The following TTLL11 variants were observed in gnomAD, a reference collection of about 807,000 sequenced individuals.
TTLL11 encodes the protein tubulin polyglutamylase TTLL11.
In TTLL11, 42 loss-of-function variants were observed where a neutral mutation model predicts 51.7. The observed-to-expected ratio is 0.81, with a 90% CI of 0.64 to 1.05. The LOEUF is 1.05. Ranked by LOEUF, TTLL11 falls within the 50% of genes least tolerant of loss-of-function variation. TTLL11 has a pLI of 0.00. For missense variants in TTLL11, 799 were observed against 940.4 expected (o/e 0.85, Z 1.97); for synonymous variants, 381 against 383.5 (o/e 0.99, Z 0.08).
chr9:122,002,716 G>A (rs1034498890), intron 3 of TTLL11, among the ~76,000 whole-genome samples: 3 of 152,046 alleles, frequency 2.0e-5, no homozygotes, highest in Non-Finnish European at 4.4e-5. Flanking sequence ...GGAGGCTGAG[G>A]CAGGCGGATC....
At chr9:121,962,142 A>G (rs1427524772) in intron 6 of TTLL11, among the ~76,000 whole-genome samples, 1 of 152,214 alleles carries the variant, frequency 6.6e-6, no homozygotes, top group Admixed American at 6.5e-5. Context: ...AGATTATACT[A>G]TTTTTATTAA....
chr9:122,014,732 C>T (rs920077559), intron 3 of TTLL11, among the ~76,000 whole-genome samples: 8 of 152,166 alleles, frequency 5.3e-5, no homozygotes, highest in Non-Finnish European at 7.3e-5. Flanking sequence ...AACCTATAGG[C>T]CATGGGACTG....
intron 1 of TTLL11, among the ~76,000 whole-genome samples, chr9:122,065,095 AT>A (rs1845543443): frequency 6.6e-6 from 1 of 152,208 alleles, no homozygotes; most frequent in African/African-American, 2.4e-5. Context: ...GTTAAAAAAA[AT>A]AAATAGTCCC....
chr9:121,824,699 G>T (rs1836696692), intron 8 of TTLL11, among the ~76,000 whole-genome samples: 1 of 152,088 alleles, frequency 6.6e-6, no homozygotes, highest in Non-Finnish European at 1.5e-5. Flanking sequence ...TAAACCTATA[G>T]GAGTCCCTGG....
intron 6 of TTLL11, chr9:121,884,640 T>G (rs1245058909): frequency 6.6e-6 from 1 of 151,884 alleles, no homozygotes; most frequent in Non-Finnish European, 1.5e-5. Context: ...AATGGAGAAA[T>G]TCCAGTTTTT....
intron 6 of TTLL11, among the ~76,000 whole-genome samples, chr9:121,968,136 G>T (rs1322686961): frequency 2.0e-5 from 3 of 152,174 alleles, no homozygotes; most frequent in African/African-American, 7.2e-5. Flanking sequence ...TATCACATGT[G>T]AATTTTACCT....
At chr9:122,082,871 T>A (rs529624883) in intron 1 of TTLL11, among the ~76,000 whole-genome samples, 1 of 151,682 alleles carries the variant, frequency 6.6e-6, no homozygotes, top group African/African-American at 2.4e-5. Flanking sequence ...TACAAAAAAA[T>A]ATAAAAAATT....
At chr9:122,064,100 T>G (rs1845508184) in intron 1 of TTLL11, among the ~76,000 whole-genome samples, 1 of 152,254 alleles carries the variant, frequency 6.6e-6, no homozygotes, top group Non-Finnish European at 1.5e-5. Context: ...AAGCTATCTT[T>G]GAAATCCATT....
intron 3 of TTLL11, among the ~76,000 whole-genome samples, chr9:121,996,263 C>T (rs562286850): frequency 5.3e-5 from 8 of 152,172 alleles, no homozygotes; most frequent in Non-Finnish European, 1.0e-4. Flanking sequence ...GGACCTCCAC[C>T]GACCTCCTGC....
intron 6 of TTLL11, among the ~76,000 whole-genome samples, chr9:121,921,923 G>C (rs1355194073): frequency 6.6e-6 from 1 of 152,314 alleles, no homozygotes; most frequent in Admixed American, 6.5e-5. Context: ...CCTTCTCTGA[G>C]CCCACGGAGG....
chr9:122,080,708 A>G (rs1243257605), intron 1 of TTLL11, among the ~76,000 whole-genome samples: 1 of 152,120 alleles, frequency 6.6e-6, no homozygotes, highest in Admixed American at 6.6e-5. Flanking sequence ...ACAAAAAAAA[A>G]GAAAAAGAAA....
chr9:121,996,155 C>A (rs1843253623), intron 3 of TTLL11, among the ~76,000 whole-genome samples: 1 of 152,192 alleles, frequency 6.6e-6, no homozygotes, highest in African/African-American at 2.4e-5. Context: ...ATGGTCCTCC[C>A]TTCCTTGGCA....
chr9:121,831,635 G>T (rs938642818), intron 8 of TTLL11, among the ~76,000 whole-genome samples: 1 of 151,602 alleles, frequency 6.6e-6, no homozygotes, highest in Non-Finnish European at 1.5e-5. Context: ...GGGAGGTGGA[G>T]GTTGCAGTGA....
chr9:122,021,727 T>C (rs75460547), intron 3 of TTLL11, among the ~76,000 whole-genome samples: 1,690 of 152,152 alleles, frequency 0.011, 40 homozygotes, highest in African/African-American at 0.039. Context: ...TTCAAGAATA[T>C]GTGCAGGAAT....
At chr9:121,887,413 T>C (rs887133988) in intron 6 of TTLL11, among the ~76,000 whole-genome samples, 1 of 152,218 alleles carries the variant, frequency 6.6e-6, no homozygotes, top group African/African-American at 2.4e-5. Context: ...CCAGGCTTCA[T>C]GCATATGGAT....
At chr9:121,826,513 A>G (rs866276711) in intron 8 of TTLL11, among the ~76,000 whole-genome samples, 2,003 of 89,100 alleles carry the variant, frequency 0.022, 172 homozygotes, top group African/African-American at 0.099. Context: ...ATATATATAT[A>G]TGTATATATA....
At chr9:121,913,661 G>A (rs773928700) in intron 6 of TTLL11, among the ~76,000 whole-genome samples, 3 of 152,178 alleles carry the variant, frequency 2.0e-5, no homozygotes, top group Non-Finnish European at 4.4e-5. Context: ...TAAGCTGCTT[G>A]TGATGGATGT....
chr9:121,826,284 G>C (rs1313469942), intron 8 of TTLL11, among the ~76,000 whole-genome samples: 1 of 107,164 alleles, frequency 9.3e-6, no homozygotes, highest in African/African-American at 4.5e-5. Context: ...ATATATATAT[G>C]AGTGTGTGGG....
intron 3 of TTLL11, among the ~76,000 whole-genome samples, chr9:122,031,197 A>C (rs1328840536): frequency 6.6e-6 from 1 of 152,202 alleles, no homozygotes; most frequent in East Asian, 1.9e-4. Context: ...GCTCCAGTGT[A>C]TTACATGCTC....
Sources: allele counts gnomAD v4.1 joint callset (sites outside exome capture counted in the v4.1 genomes callset), GRCh38; gene constraint gnomAD v4.1.1; transcripts MANE v1.5; gene names NCBI Gene and HGNC (gene_info 2026-07-23, HGNC 2026-07-21).